CERT1: variants seen among roughly 807,000 people sequenced by gnomAD.
CERT1 encodes the protein ceramide transfer protein.
Under a neutral mutation model 87.9 loss-of-function variants are expected in CERT1, and 31 were observed. The observed-to-expected ratio is 0.35, with a 90% CI of 0.27 to 0.48. CERT1 has a LOEUF of 0.48. Among genes scored for constraint, CERT1 ranks in the 20% least tolerant of loss-of-function variants. CERT1 has a pLI of 0.99. For synonymous variants in CERT1, 289 were observed against 250.9 expected (o/e 1.15, Z -1.44); for missense variants, 487 against 758.0 (o/e 0.64, Z 4.20).
chr5:75,506,130 G>GGGGAA lies in CERT1; in HGVS notation c.97-19_97-15dup, dbSNP rs1223709238. 6.2e-7 allele frequency: 1 copy of GGGGAA among 1,610,656 alleles called. No individual in the cohort carries two copies. Among genetic ancestry groups the GGGGAA allele is most frequent in the Non-Finnish European group, 8.5e-7 (1 of 1,178,110 alleles). Reference sequence around the variant, plus strand: ...GTAGTTTGTCCACTGGGAGTGGGAAGGGGAAGGGAAGAGAGAAGAAAACAA... The same window carrying GGGGAA: ...GTAGTTTGTCCACTGGGAGTGGGAAGGGGAAGGGAAGGGAAGAGAGAAGAAAACAA... On this transcript the variant is annotated splice_polypyrimidine_tract_variant and intron_variant, in intron 1 of 16. Coordinates refer to ENST00000643780, the MANE Select transcript of CERT1 (RefSeq NM_001379029.1).
intron 8 of CERT1, among the ~76,000 whole-genome samples, chr5:75,406,716 T>C (rs1433864692): frequency 6.6e-6 from 1 of 152,064 alleles, no homozygotes; most frequent in African/African-American, 2.4e-5. Flanking sequence ...AGCTAATTTT[T>C]GTATTTTTAG....
chr5:75,419,472 TA>T, intron 5 of CERT1, 48 bp from the exon 6 acceptor site: 1 of 1,244,900 alleles, frequency 8.0e-7, no homozygotes, highest in South Asian at 1.3e-5. Flanking sequence ...AAATAGAAAT[TA>T]ATGTCTATTC....
intron 11 of CERT1, among the ~76,000 whole-genome samples, chr5:75,392,085 TGAG>T (rs1284063152): frequency 6.6e-6 from 1 of 152,214 alleles, no homozygotes; most frequent in East Asian, 1.9e-4. Flanking sequence ...GCCTAAGAAA[TGAG>T]GTGTTTTTGA....
intron 2 of CERT1, among the ~76,000 whole-genome samples, chr5:75,490,542 A>G (rs1193795687): frequency 6.6e-6 from 1 of 151,730 alleles, no homozygotes; most frequent in Non-Finnish European, 1.5e-5. Flanking sequence ...TGTGTCGCCC[A>G]GGCTGGAGTG....
intron 5 of CERT1, 200 bp downstream of exon 5, chr5:75,425,161 T>TG (rs1346967127): frequency 4.5e-5 from 21 of 469,606 alleles, no homozygotes; most frequent in Non-Finnish European, 5.6e-5. Context: ...CAATGGCATC[T>TG]GGTATGGATG....
chr5:75,395,662 G>C (rs1335229720), intron 11 of CERT1, among the ~76,000 whole-genome samples: 1 of 151,384 alleles, frequency 6.6e-6, no homozygotes, highest in Admixed American at 6.6e-5. Flanking sequence ...AGGAGTTCGA[G>C]ACCAGCCTGG....
chr5:75,451,397 C>T (rs116049819), intron 3 of CERT1, among the ~76,000 whole-genome samples: 6 of 152,210 alleles, frequency 3.9e-5, no homozygotes, highest in African/African-American at 7.2e-5. Flanking sequence ...ACTATTTATG[C>T]GTCCTTCCCT....
intron 3 of CERT1, among the ~76,000 whole-genome samples, chr5:75,444,404 A>G (rs1335434137): frequency 6.6e-6 from 1 of 151,986 alleles, no homozygotes; most frequent in East Asian, 1.9e-4. Flanking sequence ...GAAGAGTTGG[A>G]TCCATTTACA....
At chr5:75,453,538 T>C (rs1340096095) in intron 3 of CERT1, among the ~76,000 whole-genome samples, 1 of 152,118 alleles carries the variant, frequency 6.6e-6, no homozygotes, top group African/African-American at 2.4e-5. Context: ...GGTTCTTGGG[T>C]CAGAAAGACC....
intron 3 of CERT1, among the ~76,000 whole-genome samples, chr5:75,429,531 T>C (rs1763778176): frequency 1.3e-5 from 2 of 152,050 alleles, no homozygotes; most frequent in South Asian, 4.1e-4. Context: ...TTAAACCTCC[T>C]GCCCTGGACC....
chr5:75,469,245 T>C (rs942805643), intron 2 of CERT1, among the ~76,000 whole-genome samples: 3 of 152,006 alleles, frequency 2.0e-5, no homozygotes, highest in African/African-American at 7.2e-5. Context: ...AGGCAGGTTA[T>C]TTGAAAATAT....
chr5:75,415,849 A>G lies in CERT1; in HGVS notation c.837+1027T>C, dbSNP rs928234652. On this transcript the variant is annotated intron_variant, in intron 7 of 16. Coordinates refer to ENST00000643780, the MANE Select transcript of CERT1 (RefSeq NM_001379029.1). ...AGAGTTGAAATCTTTGAAGATAATA[A>G]TAGTTTGGCTCCAGAATGATAATAA... 2.6e-5 allele frequency among the ~76,000 whole-genome samples: 4 copies of G among 152,282 alleles called. No homozygotes were observed. In the South Asian group the frequency reaches 6.2e-4, roughly 24 times the overall value.
chr5:75,381,290 T>C, intron 15 of CERT1, 89 bp from the exon 16 acceptor site: 1 of 1,437,176 alleles, frequency 7.0e-7, no homozygotes, highest in Non-Finnish European at 9.7e-7. Flanking sequence ...ACCAAAATCG[T>C]AACTCTTAAA....
Position 75,467,026 on chromosome 5 carries a change from T to C in CERT1, c.232-7845A>G, listed in dbSNP as rs185621163. Among the ~76,000 whole-genome samples, 37 of 152,260 alleles carry C rather than the reference T, an allele frequency of 2.4e-4. No individual in the cohort carries two copies. The East Asian group carries it at 7.1e-3, about 29-fold the overall frequency. On this transcript the variant is annotated intron_variant, in intron 2 of 16. Coordinates refer to ENST00000643780, the MANE Select transcript of CERT1 (RefSeq NM_001379029.1). ...ACAAAAACATACAGAAAAATATTCA[T>C]AAAAGCTTTATTTGTAACAGCCCCA...
chr5:75,447,201 G>A (rs1764580162), intron 3 of CERT1, among the ~76,000 whole-genome samples: 1 of 152,090 alleles, frequency 6.6e-6, no homozygotes, highest in African/African-American at 2.4e-5. Flanking sequence ...GCCTTCCCTG[G>A]AACTTGCAAG....
intron 2 of CERT1, among the ~76,000 whole-genome samples, chr5:75,481,532 G>T (rs374492251): frequency 9.9e-5 from 15 of 152,060 alleles, no homozygotes; most frequent in African/African-American, 3.6e-4. Context: ...ATAAAAATGT[G>T]CTTAACAGCC....
chr5:75,372,489 T>C (rs1177172449), intron 17 of CERT1: 2 of 152,206 alleles, frequency 1.3e-5, no homozygotes, highest in East Asian at 1.9e-4. Flanking sequence ...ATTACCACCA[T>C]ATAGGCACTT....
At chr5:75,466,878 C>G (rs1042086391) in intron 2 of CERT1, among the ~76,000 whole-genome samples, 1 of 152,190 alleles carries the variant, frequency 6.6e-6, no homozygotes, top group African/African-American at 2.4e-5. Flanking sequence ...TCACTTCTCC[C>G]ACAACTGTTT....
intron 1 of CERT1, among the ~76,000 whole-genome samples, chr5:75,510,512 T>C (rs1253615985): frequency 1.3e-5 from 2 of 152,212 alleles, no homozygotes; most frequent in Non-Finnish European, 2.9e-5. Flanking sequence ...TCCAAGTTAC[T>C]ATGAATATTT....
Sources: gnomAD v4.1 joint callset for allele counts (sites outside exome capture counted in the v4.1 genomes callset) on GRCh38, gnomAD v4.1.1 for gene constraint, MANE v1.5 for transcripts, NCBI Gene and HGNC (gene_info 2026-07-23, HGNC 2026-07-21) for gene names.